KIAA1549L: variants seen among roughly 807,000 people sequenced by gnomAD.
The protein encoded by KIAA1549L is UPF0606 protein KIAA1549L.
Under a neutral mutation model 160.7 loss-of-function variants are expected in KIAA1549L, and 88 were observed. The ratio of observed to expected loss-of-function variants is 0.55; its 90% CI spans 0.46 to 0.65. The LOEUF (loss-of-function observed/expected upper bound fraction) is 0.65, where lower values mean the gene tolerates loss of function less well. Among genes scored for constraint, KIAA1549L ranks in the 30% least tolerant of loss-of-function variants. KIAA1549L has a pLI of 0.00. For missense variants in KIAA1549L, 2,258 were observed against 2,437.5 expected, an observed-to-expected ratio of 0.93 and a Z score of 1.55; for synonymous variants, 950 against 976.7, an observed-to-expected ratio of 0.97 and a Z score of 0.51.
chr11:33,476,292 C>T (rs572116624), intron 1 of KIAA1549L, among the ~76,000 whole-genome samples: 4 of 152,194 alleles, frequency 2.6e-5, no homozygotes, highest in South Asian at 4.2e-4. Context: ...GGTGTGTGCT[C>T]ATTGGCGAAG....
At chr11:33,523,184 C>A (rs1853536012) in intron 1 of KIAA1549L, among the ~76,000 whole-genome samples, 1 of 152,182 alleles carries the variant, frequency 6.6e-6, no homozygotes, top group East Asian at 1.9e-4. Context: ...TCTGGAATTC[C>A]CTCAAAGTGT....
intron 1 of KIAA1549L, among the ~76,000 whole-genome samples, chr11:33,405,904 G>C (rs191476695): frequency 2.7e-5 from 4 of 150,344 alleles, no homozygotes; most frequent in Non-Finnish European, 5.9e-5. Context: ...CCATGTTCCA[G>C]GTCTTGTTAT....
chr11:33,567,016 A>G (rs1855070887), intron 8 of KIAA1549L, among the ~76,000 whole-genome samples: 1 of 152,190 alleles, frequency 6.6e-6, no homozygotes, highest in African/African-American at 2.4e-5. Context: ...ATGTGGAACA[A>G]GGACTGGACT....
In KIAA1549L at chr11:33,606,504, C is replaced by T. The variant is rs1850504678; in HGVS notation, c.4880-137C>T. ...ACCGCTAGCAGTAGCGAGTCCTTGG[C>T]ACAGAAGCAGATGCTGTCGTTTCTG... On this transcript the variant is annotated intron_variant, in intron 13 of 20. Coordinates refer to ENST00000658780, the MANE Select transcript of KIAA1549L (RefSeq NM_012194.3). The T allele has an allele frequency of 4.2e-5, 33 of 780,724 alleles. No homozygotes were observed. The South Asian group carries it at 6.1e-4, about 14-fold the overall frequency. The allele number at this position is 780,724 out of a possible 1,614,324, so 48.4% of individuals were successfully genotyped here.
At chr11:33,464,030 C>G (rs1009160593) in intron 1 of KIAA1549L, among the ~76,000 whole-genome samples, 1 of 152,144 alleles carries the variant, frequency 6.6e-6, no homozygotes, top group Admixed American at 6.5e-5. Flanking sequence ...TAATTGATAG[C>G]TGACACACAT....
chr11:33,607,963 G>A (rs1850551576), intron 14 of KIAA1549L, among the ~76,000 whole-genome samples: 1 of 152,134 alleles, frequency 6.6e-6, no homozygotes, highest in South Asian at 2.1e-4. Context: ...AAGCTTGAGG[G>A]GTCCAGTGGC....
intron 10 of KIAA1549L, among the ~76,000 whole-genome samples, chr11:33,583,046 C>T (rs1855692811): frequency 6.6e-6 from 1 of 152,192 alleles, no homozygotes. Context: ...TTCTCCTCTT[C>T]CTCTCAGTAG....
intron 1 of KIAA1549L, among the ~76,000 whole-genome samples, chr11:33,524,568 TTTAAAA>T (rs1373808370): frequency 1.3e-5 from 2 of 152,230 alleles, no homozygotes; most frequent in African/African-American, 2.4e-5. Context: ...AAAAGTCTCT[TTTAAAA>T]TTAAAACATT....
chr11:33,614,966 A>G (rs939243158), intron 15 of KIAA1549L, among the ~76,000 whole-genome samples: 1 of 151,538 alleles, frequency 6.6e-6, no homozygotes, highest in Admixed American at 6.6e-5. Flanking sequence ...TGCCATACCT[A>G]AATAATAAAA....
intron 1 of KIAA1549L, among the ~76,000 whole-genome samples, chr11:33,464,735 T>C (rs1459457293): frequency 6.6e-6 from 1 of 152,154 alleles, no homozygotes; most frequent in Non-Finnish European, 1.5e-5. Flanking sequence ...TTAAAACTCT[T>C]TGAGGGCTCT....
chr11:33,593,892 A>G (rs1047927898), intron 12 of KIAA1549L, among the ~76,000 whole-genome samples: 1 of 152,160 alleles, frequency 6.6e-6, no homozygotes, highest in African/African-American at 2.4e-5. Context: ...TAATTACTCT[A>G]TAAGACTGGG....
chr11:33,444,830 G>A (rs1264417650), intron 1 of KIAA1549L, among the ~76,000 whole-genome samples: 1 of 152,226 alleles, frequency 6.6e-6, no homozygotes, highest in Non-Finnish European at 1.5e-5. Context: ...CCCGGTTCAG[G>A]TGTTCCTTAT....
chr11:33,426,093 A>G (rs1304863772), intron 1 of KIAA1549L, among the ~76,000 whole-genome samples: 1 of 152,230 alleles, frequency 6.6e-6, no homozygotes, highest in Non-Finnish European at 1.5e-5. Flanking sequence ...GAAAAAGGAC[A>G]TTAGAGACAA....
intron 20 of KIAA1549L, among the ~76,000 whole-genome samples, chr11:33,667,066 A>G (rs1590470562): frequency 6.6e-6 from 1 of 152,148 alleles, no homozygotes; most frequent in Non-Finnish European, 1.5e-5. Context: ...GCATGGTGGT[A>G]CCCACCTGTA....
intron 12 of KIAA1549L, among the ~76,000 whole-genome samples, chr11:33,596,645 AG>A (rs1850207935): frequency 6.6e-6 from 1 of 152,220 alleles, no homozygotes; most frequent in African/African-American, 2.4e-5. Context: ...TGGTTGAGGC[AG>A]GAGAATCACT....
intron 1 of KIAA1549L, among the ~76,000 whole-genome samples, chr11:33,490,045 CA>C (rs913800943): frequency 2.6e-5 from 4 of 152,064 alleles, no homozygotes; most frequent in Admixed American, 2.0e-4. Context: ...CAAGGTTATA[CA>C]GATTGATGGT....
chr11:33,498,307 C>T (rs1463389108), intron 1 of KIAA1549L, among the ~76,000 whole-genome samples: 8 of 152,112 alleles, frequency 5.3e-5, no homozygotes, highest in African/African-American at 1.9e-4. Context: ...AACCTGAACC[C>T]GATGGCTGCA....
chr11:33,513,275 G>A (rs1252051606), intron 1 of KIAA1549L, among the ~76,000 whole-genome samples: 1 of 152,190 alleles, frequency 6.6e-6, no homozygotes, highest in Admixed American at 6.5e-5. Context: ...TTCTCATGGA[G>A]GAATGGGTGT....
chr11:33,563,145 G>T (rs1055724026), intron 8 of KIAA1549L, among the ~76,000 whole-genome samples: 4 of 151,768 alleles, frequency 2.6e-5, no homozygotes, highest in African/African-American at 9.7e-5. Flanking sequence ...ATTGCTTGAG[G>T]TCAGGAGTTC....
Sources: gnomAD v4.1 joint callset for allele counts (sites outside exome capture counted in the v4.1 genomes callset) on GRCh38, gnomAD v4.1.1 for gene constraint, MANE v1.5 for transcripts, NCBI Gene and HGNC (gene_info 2026-07-23, HGNC 2026-07-21) for gene names.